COG6: variants seen among roughly 807,000 people sequenced by gnomAD.
COG6 encodes conserved oligomeric Golgi complex subunit 6.
COG6 carries 74 observed loss-of-function variants against 88.8 expected under a neutral mutation model. The observed-to-expected ratio is 0.83, with a 90% confidence interval of 0.69 to 1.01. The LOEUF (loss-of-function observed/expected upper bound fraction) is 1.01. COG6 is among the 50% of genes least tolerant of loss of function. The probability of loss-of-function intolerance (pLI) is 0.00; values close to 1 mark genes in which losing one functional copy is unlikely to be tolerated. For synonymous variants in COG6, 286 were observed against 278.7 expected (o/e 1.03, Z -0.26); for missense variants, 800 against 797.9 (o/e 1.00, Z -0.03).
chr13:39,772,983 G>A (rs1305672510), intron 18 of COG6, among the ~76,000 whole-genome samples: 2 of 152,178 alleles, frequency 1.3e-5, no homozygotes, highest in Non-Finnish European at 2.9e-5. Flanking sequence ...TATATTTTAT[G>A]TCTCCTCCTA....
chr13:39,668,374 G>A (rs982268870), intron 4 of COG6, among the ~76,000 whole-genome samples: 1 of 151,876 alleles, frequency 6.6e-6, no homozygotes, highest in Non-Finnish European at 1.5e-5. Context: ...AATTTTTTGT[G>A]GAATGTCCCT....
chr13:39,732,879 G>T (rs949154949), intron 18 of COG6, among the ~76,000 whole-genome samples: 2 of 152,050 alleles, frequency 1.3e-5, no homozygotes, highest in Non-Finnish European at 1.5e-5. Context: ...TCAGACCCAA[G>T]AAATTAAATA....
At chr13:39,718,802 T>C (rs1878680165) in intron 13 of COG6, among the ~76,000 whole-genome samples, 1 of 152,108 alleles carries the variant, frequency 6.6e-6, no homozygotes, top group South Asian at 2.1e-4. Context: ...CCCTAACCTA[T>C]ACATATTGAA....
intron 18 of COG6, among the ~76,000 whole-genome samples, chr13:39,750,727 A>G (rs554850104): frequency 5.3e-5 from 8 of 152,284 alleles, no homozygotes; most frequent in Middle Eastern, 3.4e-3. Context: ...TCTGCAACCT[A>G]TATAGTAATG....
chr13:39,662,142 ATTTT>A (rs10629485), intron 3 of COG6, among the ~76,000 whole-genome samples: 1 of 130,654 alleles, frequency 7.7e-6, no homozygotes. Flanking sequence ...TGTCCTTTGT[ATTTT>A]TTTTTTTTTT....
At chr13:39,704,604 A>G (rs1392947774) in intron 13 of COG6, among the ~76,000 whole-genome samples, 1 of 152,172 alleles carries the variant, frequency 6.6e-6, no homozygotes, top group Non-Finnish European at 1.5e-5. Context: ...GGAGAAGACA[A>G]TCTATGTAAA....
At chr13:39,717,324 G>A (rs544531084) in intron 13 of COG6, among the ~76,000 whole-genome samples, 22 of 152,168 alleles carry the variant, frequency 1.4e-4, no homozygotes, top group African/African-American at 4.8e-4. Context: ...TTGGGGGTCA[G>A]TTAGCTTCTT....
intron 15 of COG6, among the ~76,000 whole-genome samples, chr13:39,720,225 T>A (rs747563745): frequency 2.0e-5 from 3 of 152,146 alleles, no homozygotes; most frequent in Non-Finnish European, 4.4e-5. Context: ...CAAAATGTGT[T>A]ACAGAGGACA....
chr13:39,656,042 G>A (rs1874466112), intron 1 of COG6, 163 bp downstream of exon 1: 3 of 914,088 alleles, frequency 3.3e-6, no homozygotes, highest in Non-Finnish European at 5.3e-6. Context: ...GGCGCCGGGG[G>A]CGGTGAGAAG....
At chr13:39,755,993 G>A (rs1468695827), downstream of COG6, among the ~76,000 whole-genome samples, 1 of 152,180 alleles carries the variant, frequency 6.6e-6, no homozygotes, top group African/African-American at 2.4e-5. Flanking sequence ...AATCTAATCT[G>A]ATTTCCAACA....
At chr13:39,687,956 TCTG>T (rs1298565222) in intron 10 of COG6, among the ~76,000 whole-genome samples, 157 bp downstream of exon 10, 1 of 152,216 alleles carries the variant, frequency 6.6e-6, no homozygotes, top group Non-Finnish European at 1.5e-5. Context: ...TCTCCCTCAT[TCTG>T]CTAATAGACT....
chr13:39,776,748 A>G (rs933928367), intron 18 of COG6, among the ~76,000 whole-genome samples: 1 of 152,178 alleles, frequency 6.6e-6, no homozygotes, highest in African/African-American at 2.4e-5. Context: ...GTTATAGGGA[A>G]TTTACCACTT....
At chr13:39,718,951 A>G (rs1326064690) in intron 13 of COG6, among the ~76,000 whole-genome samples, 1 of 152,096 alleles carries the variant, frequency 6.6e-6, no homozygotes, top group Non-Finnish European at 1.5e-5. Context: ...TTAAATCCAT[A>G]TTAAAATGTA....
intron 10 of COG6, 88 bp from the exon 11 acceptor site, chr13:39,689,672 A>G (rs1379534439): frequency 3.8e-6 from 3 of 792,456 alleles, no homozygotes; most frequent in Non-Finnish European, 6.5e-6. Flanking sequence ...AATTATATGT[A>G]TTATATATTA....
At chr13:39,737,791 T>C (rs1879841021) in intron 18 of COG6, among the ~76,000 whole-genome samples, 1 of 152,038 alleles carries the variant, frequency 6.6e-6, no homozygotes, top group Admixed American at 6.6e-5. Flanking sequence ...CCAGAGCACC[T>C]TATCCCATGG....
chr13:39,766,682 T>G (rs1881175702), intron 18 of COG6, among the ~76,000 whole-genome samples: 1 of 152,164 alleles, frequency 6.6e-6, no homozygotes, highest in African/African-American at 2.4e-5. Flanking sequence ...TTCTAATTCT[T>G]TCTGTGGGAA....
At chr13:39,773,757 G>T (rs908010164) in intron 18 of COG6, among the ~76,000 whole-genome samples, 4 of 152,030 alleles carry the variant, frequency 2.6e-5, no homozygotes, top group African/African-American at 9.7e-5. Context: ...TTGCTTAAAA[G>T]TCAATGCATT....
intron 13 of COG6, among the ~76,000 whole-genome samples, chr13:39,705,507 G>A (rs10467368): frequency 0.21 from 32,005 of 151,884 alleles, 3,490 homozygotes; most frequent in East Asian, 0.27. Context: ...ACAATGTTGT[G>A]TCAATTTAGG....
chr13:39,678,454 T>G (rs934210425), intron 5 of COG6, among the ~76,000 whole-genome samples: 4 of 152,226 alleles, frequency 2.6e-5, no homozygotes, highest in Non-Finnish European at 2.9e-5. Flanking sequence ...TTCCTTGGGT[T>G]AGAAATCACT....
Sources: allele counts gnomAD v4.1 joint callset (sites outside exome capture counted in the v4.1 genomes callset), GRCh38; gene constraint gnomAD v4.1.1; transcripts MANE v1.5; gene names NCBI Gene and HGNC (gene_info 2026-07-23, HGNC 2026-07-21).